The following SGCD variants were observed in gnomAD, a reference collection of about 807,000 sequenced individuals.
The protein encoded by SGCD is delta-sarcoglycan.
A neutral mutation model predicts 36.6 loss-of-function variants in SGCD; 18 were observed. The ratio of observed to expected loss-of-function variants is 0.49; its 90% CI spans 0.34 to 0.73. The LOEUF is 0.73. SGCD is among the 30% of genes least tolerant of loss of function. The pLI is 0.01. For synonymous variants in SGCD, 133 were observed against 130.6 expected (o/e 1.02, Z -0.12); for missense variants, 387 against 346.7 (o/e 1.12, Z -0.92).
chr5:155,867,037 T>C (rs1427658551), upstream of SGCD, among the ~76,000 whole-genome samples: 1 of 152,050 alleles, frequency 6.6e-6, no homozygotes, highest in Non-Finnish European at 1.5e-5. Context: ...GAGTCTCCAT[T>C]TGGCCGTTTC....
chr5:156,690,058 T>G (rs1322903102), intron 7 of SGCD, among the ~76,000 whole-genome samples: 2 of 152,230 alleles, frequency 1.3e-5, no homozygotes, highest in Non-Finnish European at 2.9e-5. Context: ...CGTTGCTATT[T>G]AAACACATAT....
intron 3 of SGCD, among the ~76,000 whole-genome samples, chr5:156,448,250 C>T (rs1753832713): frequency 6.6e-6 from 1 of 152,150 alleles, no homozygotes. Context: ...CCTCCCATTC[C>T]CTTTCCACTC....
At chr5:156,526,931 A>T (rs1757668083) in intron 4 of SGCD, among the ~76,000 whole-genome samples, 1 of 152,190 alleles carries the variant, frequency 6.6e-6, no homozygotes, top group African/African-American at 2.4e-5. Context: ...AGAGTTACTG[A>T]GGGCTTTGGT....
At chr5:156,193,007 T>G (rs76448342) in intron 3 of SGCD, among the ~76,000 whole-genome samples, 3,291 of 151,774 alleles carry the variant, frequency 0.022, 61 homozygotes, top group Non-Finnish European at 0.029. Context: ...AAATTTTAAT[T>G]TCATCTAACT....
intron 1 of SGCD, among the ~76,000 whole-genome samples, chr5:155,968,374 T>A (rs1393464530): frequency 6.6e-6 from 1 of 152,128 alleles, no homozygotes; most frequent in Non-Finnish European, 1.5e-5. Flanking sequence ...TGAGTATATA[T>A]AAATACAGTC....
chr5:156,581,016 G>A (rs577772662), intron 4 of SGCD, among the ~76,000 whole-genome samples: 13 of 152,216 alleles, frequency 8.5e-5, no homozygotes, highest in African/African-American at 2.6e-4. Flanking sequence ...TTTCTCCTCC[G>A]GTTTCTCCTC....
chr5:156,364,221 T>G (rs1769965678), intron 3 of SGCD, among the ~76,000 whole-genome samples: 1 of 152,186 alleles, frequency 6.6e-6, no homozygotes, highest in Non-Finnish European at 1.5e-5. Flanking sequence ...GACTTTTCCC[T>G]CAAAATGGTC....
At chr5:156,024,111 G>A (rs543242604) in intron 1 of SGCD, among the ~76,000 whole-genome samples, 13 of 152,262 alleles carry the variant, frequency 8.5e-5, no homozygotes, top group African/African-American at 3.1e-4. Context: ...GGCAGCGTAA[G>A]TATCGGAAGG....
intron 3 of SGCD, among the ~76,000 whole-genome samples, chr5:156,225,828 C>A (rs1428315916): frequency 2.6e-5 from 4 of 151,056 alleles, no homozygotes; most frequent in African/African-American, 7.3e-5. Context: ...AAAAAAAAAA[C>A]CTTAAAGGTT....
At chr5:156,177,504 C>T (rs1763502385) in intron 3 of SGCD, among the ~76,000 whole-genome samples, 3 of 152,036 alleles carry the variant, frequency 2.0e-5, no homozygotes, top group Admixed American at 2.0e-4. Flanking sequence ...CAAGTTGTTA[C>T]TTGATTATAC....
At chr5:155,823,020 C>T in the SGCD span, among the ~76,000 whole-genome samples, 1 of 152,052 alleles carries the variant, frequency 6.6e-6, no homozygotes, top group Non-Finnish European at 1.5e-5. Flanking sequence ...CTCTCTCTCT[C>T]TCCATATATA....
intron 7 of SGCD, among the ~76,000 whole-genome samples, chr5:156,735,247 G>A (rs1282917956): frequency 9.2e-5 from 14 of 152,158 alleles, no homozygotes; most frequent in Admixed American, 9.2e-4. Flanking sequence ...GCTCCACCCA[G>A]TGATGAGGAA....
At position 156,109,558 on chromosome 5, in the gene SGCD, T is replaced by C. The variant is rs76722714; in HGVS notation, c.-281-8320T>C. 1.9e-3 allele frequency among the ~76,000 whole-genome samples: 291 copies of C among 152,306 alleles called. 2 individuals are homozygous for C. The highest frequency in any genetic ancestry group is 6.6e-3 in the African/African-American group (276 of 41,564). ...TTTAGAGTGCTCTGTCCTCAAAATA[T>C]GCAACTCATCCATCCATATAGGAAT... On this transcript the variant is annotated intron_variant, in intron 1 of 9. Coordinates refer to the SGCD transcript ENST00000517913.
chr5:156,095,763 G>A (rs569888773), intron 1 of SGCD, among the ~76,000 whole-genome samples: 1 of 152,266 alleles, frequency 6.6e-6, no homozygotes, highest in East Asian at 1.9e-4. Context: ...CACTCAAGTG[G>A]CTGGGTAAAG....
intron 6 of SGCD, among the ~76,000 whole-genome samples, chr5:156,641,695 C>T (rs1763033624): frequency 6.6e-6 from 1 of 152,176 alleles, no homozygotes. Context: ...GAGCATTAAT[C>T]ACTTGGCTTT....
the SGCD span, among the ~76,000 whole-genome samples, chr5:155,832,762 G>C: frequency 6.6e-6 from 1 of 152,132 alleles, no homozygotes; most frequent in Non-Finnish European, 1.5e-5. Context: ...CTTTTGTGTA[G>C]AGAATTATAG....
intron 1 of SGCD, among the ~76,000 whole-genome samples, chr5:155,877,648 C>G (rs1208789001): frequency 6.6e-6 from 1 of 151,990 alleles, no homozygotes; most frequent in Non-Finnish European, 1.5e-5. Context: ...CATTTTGTCC[C>G]AATGTACTTA....
At chr5:156,071,681 A>G (rs1051977138) in intron 1 of SGCD, among the ~76,000 whole-genome samples, 2 of 152,120 alleles carry the variant, frequency 1.3e-5, no homozygotes, top group African/African-American at 4.8e-5. Flanking sequence ...ATTCCTGGAT[A>G]TCCTTGTTAA....
intron 6 of SGCD, among the ~76,000 whole-genome samples, chr5:156,609,628 C>A (rs1761677323): frequency 6.6e-6 from 1 of 152,300 alleles, no homozygotes; most frequent in South Asian, 2.1e-4. Context: ...TGGATAATAT[C>A]CTGCAGAGTG....
Sources: allele counts gnomAD v4.1 joint callset (sites outside exome capture counted in the v4.1 genomes callset), GRCh38; gene constraint gnomAD v4.1.1; transcripts MANE v1.5; gene names NCBI Gene and HGNC (gene_info 2026-07-23, HGNC 2026-07-21).